IL1RAPL2: variants seen among roughly 807,000 people sequenced by gnomAD.
IL1RAPL2 encodes interleukin 1 receptor accessory protein like 2.
Under a neutral mutation model 44.1 loss-of-function variants are expected in IL1RAPL2, and 3 were observed. That is an observed-to-expected ratio of 0.07 (90% confidence interval 0.03 to 0.18). The LOEUF (loss-of-function observed/expected upper bound fraction) is 0.18, where lower values mean the gene tolerates loss of function less well. Ranked by LOEUF, IL1RAPL2 falls within the 10% of genes least tolerant of loss-of-function variation. The probability of loss-of-function intolerance (pLI) is 1.00; values close to 1 mark genes in which losing one functional copy is unlikely to be tolerated. For missense variants in IL1RAPL2, 391 were observed against 496.4 expected, an observed-to-expected ratio of 0.79 and a Z score of 2.02; for synonymous variants, 181 against 178.8, an observed-to-expected ratio of 1.01 and a Z score of -0.10.
chrX:105,272,173 C>T (rs1326637511), intron 5 of IL1RAPL2, among the ~76,000 whole-genome samples: 1 of 106,277 alleles, frequency 9.4e-6, no homozygotes, highest in Admixed American at 1.0e-4. Flanking sequence ...GGGAGATATA[C>T]CTAATGCTAG....
At chrX:105,447,084 TATATATATATATATATATATATAAAA>T (rs1421623056) in intron 5 of IL1RAPL2, among the ~76,000 whole-genome samples, 3 of 54,146 alleles carry the variant, frequency 5.5e-5, no homozygotes, top group Non-Finnish European at 8.4e-5. Context: ...ATTATATATA[TATATATATATATATATATATATAAAA>T]ATATATATAA....
At chrX:105,250,457 T>C (rs1183769484) in intron 4 of IL1RAPL2, among the ~76,000 whole-genome samples, 1 of 110,962 alleles carries the variant, frequency 9.0e-6, no homozygotes, top group Non-Finnish European at 1.9e-5. Flanking sequence ...AAAATGTTAA[T>C]AATATGTAGA....
intron 5 of IL1RAPL2, among the ~76,000 whole-genome samples, chrX:105,335,149 C>CT (rs1461219657): frequency 4.5e-5 from 5 of 110,309 alleles, no homozygotes; most frequent in African/African-American, 1.7e-4. Context: ...TGTGGCTGCC[C>CT]TCATTTTGGT....
intron 2 of IL1RAPL2, among the ~76,000 whole-genome samples, chrX:104,814,134 C>T (rs891410433): frequency 6.3e-5 from 7 of 111,585 alleles, no homozygotes; most frequent in African/African-American, 2.3e-4. Context: ...CTCAGATAGG[C>T]TAGCACTGAC....
At chrX:104,591,738 T>C (rs955031113) in intron 1 of IL1RAPL2, among the ~76,000 whole-genome samples, 1 of 110,169 alleles carries the variant, frequency 9.1e-6, no homozygotes, top group African/African-American at 3.3e-5. Context: ...GAAAACATTT[T>C]AATCAGTTTC....
intron 5 of IL1RAPL2, among the ~76,000 whole-genome samples, chrX:105,384,296 G>A (rs998335066): frequency 1.8e-5 from 2 of 111,472 alleles, no homozygotes; most frequent in Non-Finnish European, 3.8e-5. Flanking sequence ...TTTGGCTAGA[G>A]ATAGGGACCT....
chrX:105,106,907 C>CA (rs1475705160), intron 2 of IL1RAPL2, among the ~76,000 whole-genome samples: 1 of 111,888 alleles, frequency 8.9e-6, no homozygotes, highest in Non-Finnish European at 1.9e-5. Context: ...CTGGGCCAAG[C>CA]AGTGTGCTAG....
chrX:105,196,215 G>A (rs1360762522), intron 3 of IL1RAPL2, among the ~76,000 whole-genome samples: 2 of 111,080 alleles, frequency 1.8e-5, no homozygotes, highest in South Asian at 3.9e-4. Flanking sequence ...CTGGGAGGCA[G>A]AGGTTGCAGT....
Position 105,064,968 on chromosome X carries a change from G to A in IL1RAPL2, c.83-130507G>A, listed in dbSNP as rs145836558. On this transcript the variant is annotated intron_variant, in intron 2 of 10. Coordinates refer to ENST00000372582, the MANE Select transcript of IL1RAPL2 (RefSeq NM_017416.2). ...CGGTTCCCTTTGACTCAGAGTGAAT[G>A]CAAATCTGTGGAGCTTCTAAAACCT... 1.1e-3 allele frequency among the ~76,000 whole-genome samples: 124 copies of A among 112,242 alleles called. 2 individuals carry two copies. In the East Asian group the frequency reaches 0.033, roughly 30 times the overall value.
At chrX:104,745,040 G>GA (rs59491811) in intron 2 of IL1RAPL2, among the ~76,000 whole-genome samples, 7 of 101,938 alleles carry the variant, frequency 6.9e-5, no homozygotes, top group Admixed American at 5.4e-4. Flanking sequence ...GTGACAAATA[G>GA]AAAAAAAAAA....
intron 6 of IL1RAPL2, among the ~76,000 whole-genome samples, chrX:105,569,706 C>A (rs2037000852): frequency 8.9e-6 from 1 of 111,732 alleles, no homozygotes; most frequent in Non-Finnish European, 1.9e-5. Flanking sequence ...TGTTTTAAGC[C>A]AATGAAATTC....
chrX:104,909,055 T>C (rs1924136440), intron 2 of IL1RAPL2, among the ~76,000 whole-genome samples: 1 of 110,944 alleles, frequency 9.0e-6, no homozygotes, highest in African/African-American at 3.3e-5. Context: ...TTTTATTCTT[T>C]TTTCTCTAAA....
At chrX:105,198,306 G>A (rs958911200) in intron 3 of IL1RAPL2, among the ~76,000 whole-genome samples, 1 of 111,469 alleles carries the variant, frequency 9.0e-6, no homozygotes, top group African/African-American at 3.3e-5. Flanking sequence ...ATATAATATT[G>A]TATGTTGCTT....
intron 1 of IL1RAPL2, among the ~76,000 whole-genome samples, chrX:104,584,379 G>A (rs573819599): frequency 3.6e-5 from 4 of 110,428 alleles, no homozygotes; most frequent in African/African-American, 1.3e-4. Context: ...TCTTTTCCTG[G>A]TGAATACATG....
At chrX:105,100,172 A>G (rs2032654415) in intron 2 of IL1RAPL2, among the ~76,000 whole-genome samples, 1 of 112,042 alleles carries the variant, frequency 8.9e-6, no homozygotes, top group African/African-American at 3.2e-5. Context: ...TTCATCATAG[A>G]TCTGTATGTA....
At chrX:105,638,544 A>G (rs1196196146) in intron 6 of IL1RAPL2, among the ~76,000 whole-genome samples, 2 of 111,805 alleles carry the variant, frequency 1.8e-5, no homozygotes, top group African/African-American at 6.5e-5. Flanking sequence ...CTCCTTTTAG[A>G]GATTCCTTTA....
intron 7 of IL1RAPL2, among the ~76,000 whole-genome samples, chrX:105,739,470 G>T (rs2038478468): frequency 9.7e-6 from 1 of 103,480 alleles, no homozygotes; most frequent in Admixed American, 1.0e-4. Context: ...CTAGCATTAG[G>T]TATATCGCCC....
chrX:104,647,489 G>A (rs1930064242), intron 1 of IL1RAPL2: 1 of 560,686 alleles, frequency 1.8e-6, no homozygotes, highest in East Asian at 3.4e-5. Context: ...GGTGGGATGT[G>A]TCAAGGACAC....
At chrX:105,676,716 G>C (rs2037876484) in intron 6 of IL1RAPL2, among the ~76,000 whole-genome samples, 1 of 111,933 alleles carries the variant, frequency 8.9e-6, no homozygotes, top group Non-Finnish European at 1.9e-5. Flanking sequence ...TGCATGGGCT[G>C]CTTCCCAAGG....
Sources: gnomAD v4.1 joint callset for allele counts (sites outside exome capture counted in the v4.1 genomes callset) on GRCh38, gnomAD v4.1.1 for gene constraint, MANE v1.5 for transcripts, NCBI Gene and HGNC (gene_info 2026-07-23, HGNC 2026-07-21) for gene names.